The following MYO10 variants were observed in gnomAD, a reference collection of about 807,000 sequenced individuals.
MYO10 encodes the protein unconventional myosin-X.
Under a neutral mutation model 257.3 loss-of-function variants are expected in MYO10, and 133 were observed. The ratio of observed to expected loss-of-function variants is 0.52; its 90% CI spans 0.45 to 0.60. The LOEUF is 0.60. Ranked by LOEUF, MYO10 falls within the 20% of genes least tolerant of loss-of-function variation. The pLI is 0.00. For synonymous variants in MYO10, 1,104 were observed against 1,028.6 expected, an observed-to-expected ratio of 1.07 and a Z score of -1.40; for missense variants, 2,399 against 2,635.7, an observed-to-expected ratio of 0.91 and a Z score of 1.97.
At chr5:16,856,771 T>C (rs1743972175) in intron 2 of MYO10, among the ~76,000 whole-genome samples, 1 of 152,000 alleles carries the variant, frequency 6.6e-6, no homozygotes, top group Non-Finnish European at 1.5e-5. Context: ...AACGCTGCAG[T>C]CATGCATGAC....
At chr5:16,883,912 G>A (rs561786862) in intron 1 of MYO10, among the ~76,000 whole-genome samples, 1 of 152,256 alleles carries the variant, frequency 6.6e-6, no homozygotes, top group African/African-American at 2.4e-5. Context: ...ACAGGTTCAC[G>A]AAAAAGAGAA....
rs758894114 is a variant in MYO10 at position 16,701,755 on chromosome 5, T to C, written c.2640A>G (p.Lys880=). Residue 880 remains lysine, a synonymous_variant, in exon 25 of 41, where the codon AAA becomes AAG. Coordinates refer to ENST00000513610, the MANE Select transcript of MYO10 (RefSeq NM_012334.3). This position sits in a 1 kb window ranked among gnomAD's most constrained non-coding sequence, Gnocchi z 8.1. ...KEAELTRELE[K]QKENKQVEEI... The stretch of plus-strand genomic sequence containing the variant: ...CTTCCACCTGCTTATTTTCCTTCTG[T>C]TTCTCCAGTTCACGGGTCAGTTCAG... The C allele has an allele frequency of 1.2e-6, 2 of 1,614,018 alleles. No individual in the cohort carries two copies. The highest frequency in any genetic ancestry group is 2.2e-5 in the East Asian group (1 of 44,864).
rs372324714 is a variant in MYO10, at chr5:16,672,680, G to A, written c.5309+9C>T. On this transcript the variant is annotated intron_variant, in intron 37 of 40. Coordinates refer to ENST00000513610, the MANE Select transcript of MYO10 (RefSeq NM_012334.3). ...TGCTCTTCTGACACAGTAGGGAAAA[G>A]GAACCTACTTTTCAAACTTGGCTAA... 6.4e-5 allele frequency: 103 copies of A among 1,613,836 alleles called. No homozygotes were observed. The highest frequency in any genetic ancestry group is 8.6e-5 in the Non-Finnish European group (101 of 1,179,850).
chr5:16,741,877 A>C, intron 19 of MYO10: 1 of 985,388 alleles, frequency 1.0e-6, no homozygotes, highest in Non-Finnish European at 1.2e-6. Context: ...GGGCAAGGGC[A>C]TCTAAGCTGA....
chr5:16,695,414 C>T (rs1250098214), intron 26 of MYO10, among the ~76,000 whole-genome samples: 1 of 151,838 alleles, frequency 6.6e-6, no homozygotes, highest in African/African-American at 2.4e-5. Context: ...CCAGGGTTGA[C>T]TGATAAAGTC....
At chr5:16,755,009 A>G (rs977609044) in intron 18 of MYO10, 101 bp from the exon 19 acceptor site, 3 of 678,372 alleles carry the variant, frequency 4.4e-6, no homozygotes, top group African/African-American at 3.6e-5. Context: ...AAAACACAAT[A>G]TAAATCATAG....
intron 1 of MYO10, among the ~76,000 whole-genome samples, chr5:16,898,323 G>A (rs1317276633): frequency 1.3e-5 from 2 of 151,016 alleles, no homozygotes; most frequent in Non-Finnish European, 2.9e-5. Context: ...GAGATCCAAA[G>A]TATTACCGTT....
chr5:16,696,168 GATTT>G (rs549331000), intron 26 of MYO10, among the ~76,000 whole-genome samples: 30 of 152,074 alleles, frequency 2.0e-4, no homozygotes, highest in African/African-American at 1.9e-4. Flanking sequence ...TGATTAATTA[GATTT>G]ATTTATTTAT....
intron 2 of MYO10, among the ~76,000 whole-genome samples, chr5:16,823,353 G>A (rs184603779): frequency 4.3e-5 from 6 of 140,698 alleles, no homozygotes; most frequent in African/African-American, 1.6e-4. Flanking sequence ...GCTGAGGCAT[G>A]AGAATCACTT....
intron 1 of MYO10, among the ~76,000 whole-genome samples, chr5:16,917,518 G>A (rs962916308): frequency 2.0e-5 from 3 of 152,028 alleles, no homozygotes; most frequent in Admixed American, 1.3e-4. Flanking sequence ...TATCCCCGGT[G>A]AGGCAAAAGT....
At chr5:16,671,853 T>G (rs1736479755) in intron 37 of MYO10, among the ~76,000 whole-genome samples, 1 of 152,210 alleles carries the variant, frequency 6.6e-6, no homozygotes, top group Non-Finnish European at 1.5e-5. Context: ...AACAAAAGCC[T>G]GTTTCTTTAT....
At chr5:16,877,763 C>T in intron 1 of MYO10, 56 bp from the exon 2 acceptor site, 2 of 1,397,308 alleles carry the variant, frequency 1.4e-6, no homozygotes, top group African/African-American at 1.4e-5. Flanking sequence ...TGTGGCGAAA[C>T]TGTACTGTCG....
intron 1 of MYO10, among the ~76,000 whole-genome samples, chr5:16,916,760 A>T (rs1164556736): frequency 6.6e-6 from 1 of 152,246 alleles, no homozygotes; most frequent in Admixed American, 6.5e-5. Context: ...ACACTTACTC[A>T]TCAAAATTGG....
chr5:16,796,784 T>C (rs979790888), intron 3 of MYO10, among the ~76,000 whole-genome samples: 1 of 152,168 alleles, frequency 6.6e-6, no homozygotes, highest in African/African-American at 2.4e-5. Context: ...CTCCCCAAAT[T>C]CACATGCTGA....
chr5:16,771,589 AT>A (rs1299419401), intron 9 of MYO10, among the ~76,000 whole-genome samples: 2 of 117,518 alleles, frequency 1.7e-5, no homozygotes, highest in East Asian at 4.8e-4. Flanking sequence ...TATTATTATT[AT>A]TATTTTGATA....
intron 1 of MYO10, chr5:16,902,350 G>T (rs2126785414): frequency 8.5e-7 from 1 of 1,172,948 alleles, no homozygotes; most frequent in Admixed American, 1.7e-5. Context: ...AATCAGGGTG[G>T]GGGTGTTCGG....
chr5:16,791,414 T>C (rs763862934), intron 4 of MYO10, among the ~76,000 whole-genome samples: 4 of 152,194 alleles, frequency 2.6e-5, no homozygotes, highest in African/African-American at 4.8e-5. Flanking sequence ...TGAATTAATT[T>C]AGATAAATAC....
chr5:16,735,284 C>T (rs981078233), intron 19 of MYO10, among the ~76,000 whole-genome samples: 1 of 152,154 alleles, frequency 6.6e-6, no homozygotes, highest in Non-Finnish European at 1.5e-5. Flanking sequence ...GGTAGAAAAA[C>T]GCCCAGGTTA....
At position 16,675,048 on chromosome 5, in the gene MYO10, T is replaced by C; in HGVS notation, c.4769A>G (p.Gln1590Arg). The C allele has an allele frequency of 6.2e-7, 1 of 1,613,956 alleles. No homozygotes were observed. ...GTCATGCCCTGTCTGTAGGATGCCC[T>C]GGATTATTGGAATTGGGTCAGACAT... ...ESMSDPIPIIQGILQTGHDLR... is the reference protein window; with the variant it reads ...ESMSDPIPIIRGILQTGHDLR... The change falls in exon 35 of 41, where the codon CAG becomes CGG. Residue 1590 changes from glutamine to arginine, a missense_variant. Gln to Arg is a conservative substitution (Grantham distance 43). Transcript: ENST00000513610.
Sources: gnomAD v4.1 joint callset for allele counts (sites outside exome capture counted in the v4.1 genomes callset) on GRCh38, gnomAD v4.1.1 for gene constraint, Gnocchi (gnomAD v3.1) non-coding constraint, MANE v1.5 for transcripts, NCBI Gene and HGNC (gene_info 2026-07-23, HGNC 2026-07-21) for gene names.